Variants in LEKR1 observed in about 807,000 individuals in gnomAD.
The protein encoded by LEKR1 is protein LEKR1.
A neutral mutation model predicts 72.4 loss-of-function variants in LEKR1; 59 were observed. The ratio of observed to expected loss-of-function variants is 0.82; its 90% CI spans 0.66 to 1.01. The LOEUF (loss-of-function observed/expected upper bound fraction) is 1.01. LEKR1 is among the 50% of genes least tolerant of loss of function. The pLI, the probability that LEKR1 is intolerant of heterozygous loss-of-function variation, is 0.00. For missense variants in LEKR1, 728 were observed against 759.2 expected (o/e 0.96, Z 0.48); for synonymous variants, 257 against 263.2 (o/e 0.98, Z 0.23).
chr3:156,920,754 T>A, intron 4 of LEKR1, 60 bp downstream of exon 4: 1 of 923,364 alleles, frequency 1.1e-6, no homozygotes, highest in Non-Finnish European at 1.6e-6. Context: ...ACTAACTTTG[T>A]AAATAGCCAA....
intron 3 of LEKR1, among the ~76,000 whole-genome samples, chr3:156,912,859 G>C (rs954578199): frequency 6.6e-6 from 1 of 152,142 alleles, no homozygotes; most frequent in Admixed American, 6.5e-5. Context: ...TGCTGTGTAG[G>C]GTTAAGGCTA....
At chr3:156,882,594 C>G (rs1399287193) in intron 3 of LEKR1, among the ~76,000 whole-genome samples, 1 of 152,176 alleles carries the variant, frequency 6.6e-6, no homozygotes, top group African/African-American at 2.4e-5. Context: ...GTCAGTGTGG[C>G]AATTCCTCAG....
At chr3:156,832,151 C>T (rs989486431) in intron 2 of LEKR1, among the ~76,000 whole-genome samples, 1 of 152,146 alleles carries the variant, frequency 6.6e-6, no homozygotes, top group East Asian at 1.9e-4. Context: ...AACATTGGTG[C>T]TCTTATCCAC....
At position 156,942,714 on chromosome 3, in the gene LEKR1, G is replaced by T; in HGVS notation, c.745G>T (p.Asp249Tyr). ...RCYDLQKEVL[D>Y]LQCLVEALGL... The stretch of plus-strand genomic sequence containing the variant: ...CTATGATTTGCAAAAAGAAGTACTA[G>T]GTAAAGAAAAGTCTTTTGCTGTTTT... Residue 249 changes from aspartate to tyrosine, a missense_variant and splice_region_variant, in exon 6 of 13, where the codon GAT (aspartate) becomes TAT (tyrosine). Coordinates refer to ENST00000356539, the MANE Select transcript of LEKR1 (RefSeq NM_001004316.3). 1 of 1,237,548 alleles carries T rather than the reference G, an allele frequency of 8.1e-7. No homozygotes were observed. The highest frequency in any genetic ancestry group is 1.0e-6 in the Non-Finnish European group (1 of 969,420). The allele number at this position is 1,237,548 out of a possible 1,614,324, so 76.7% of individuals were successfully genotyped here.
intron 12 of LEKR1, among the ~76,000 whole-genome samples, chr3:157,033,716 A>G (rs953551519): frequency 3.9e-5 from 6 of 152,176 alleles, no homozygotes; most frequent in African/African-American, 1.4e-4. Context: ...GCTACATTAA[A>G]CAACAGGTTT....
chr3:156,974,536 CA>C (rs1423290674), intron 6 of LEKR1, among the ~76,000 whole-genome samples: 1 of 152,112 alleles, frequency 6.6e-6, no homozygotes, highest in East Asian at 1.9e-4. Context: ...TTCATGGAAT[CA>C]AATGGGGTGT....
chr3:156,918,143 A>G (rs1723829440), intron 3 of LEKR1, among the ~76,000 whole-genome samples: 1 of 152,202 alleles, frequency 6.6e-6, no homozygotes. Flanking sequence ...TCACAAGTGA[A>G]TAACAATGTG....
intron 12 of LEKR1, among the ~76,000 whole-genome samples, chr3:157,029,924 G>A (rs6798892): frequency 9.9e-5 from 15 of 152,100 alleles, no homozygotes; most frequent in South Asian, 4.1e-4. Context: ...AGAAAAAGAC[G>A]GAAGGGCCAA....
At chr3:156,905,255 G>A (rs1722419918) in intron 3 of LEKR1, among the ~76,000 whole-genome samples, 1 of 152,114 alleles carries the variant, frequency 6.6e-6, no homozygotes. Context: ...CTATAAAGGA[G>A]TAAATTTATT....
intron 6 of LEKR1, among the ~76,000 whole-genome samples, chr3:156,972,459 G>A (rs370727974): frequency 5.9e-5 from 9 of 151,800 alleles, no homozygotes; most frequent in Admixed American, 2.6e-4. Flanking sequence ...TAACCTGCAC[G>A]TTGTGCACAT....
At chr3:156,941,737 TTTTATCTTTGTTGAG>T in intron 5 of LEKR1, among the ~76,000 whole-genome samples, 1 of 152,208 alleles carries the variant, frequency 6.6e-6, no homozygotes, top group East Asian at 1.9e-4. Flanking sequence ...ATAGCATTTA[TTTTATCTTTGTTGAG>T]TGTGTGTTCA....
chr3:156,862,835 G>A (rs1426786682), intron 3 of LEKR1, among the ~76,000 whole-genome samples: 2 of 152,118 alleles, frequency 1.3e-5, no homozygotes, highest in African/African-American at 2.4e-5. Flanking sequence ...ACTCAGTGGA[G>A]TAGAGATTTT....
chr3:156,905,817 G>A (rs530143554), intron 3 of LEKR1, among the ~76,000 whole-genome samples: 3 of 152,264 alleles, frequency 2.0e-5, no homozygotes, highest in Admixed American at 1.3e-4. Flanking sequence ...ATTGGCAGTC[G>A]TATGTCAATT....
At chr3:156,895,262 A>G (rs1721057983) in intron 3 of LEKR1, among the ~76,000 whole-genome samples, 1 of 152,218 alleles carries the variant, frequency 6.6e-6, no homozygotes, top group East Asian at 1.9e-4. Context: ...ACATTCATGC[A>G]GCCAACAAAC....
intron 3 of LEKR1, among the ~76,000 whole-genome samples, chr3:156,876,974 T>C (rs1363323361): frequency 6.6e-6 from 1 of 152,200 alleles, no homozygotes; most frequent in Non-Finnish European, 1.5e-5. Context: ...TAGATAGCTT[T>C]TATTACCTTA....
intron 7 of LEKR1, among the ~76,000 whole-genome samples, chr3:156,991,090 A>G (rs1731112360): frequency 6.6e-6 from 1 of 152,226 alleles, no homozygotes. Flanking sequence ...GCTTTAAAAT[A>G]AAAGCAAAAT....
chr3:156,903,192 C>T (rs913061746), intron 3 of LEKR1, among the ~76,000 whole-genome samples: 5 of 151,976 alleles, frequency 3.3e-5, no homozygotes, highest in African/African-American at 1.2e-4. Context: ...TGAATATTCC[C>T]ACAAATGATG....
Position 156,947,198 on chromosome 3 carries a change from G to A in LEKR1, c.745+4484G>A, listed in dbSNP as rs112435567. Among the ~76,000 whole-genome samples, 271 of 151,028 alleles carry A rather than the reference G, an allele frequency of 1.8e-3. 3 individuals carry two copies. The highest frequency in any genetic ancestry group is 6.3e-3 in the African/African-American group (262 of 41,340). The stretch of plus-strand genomic sequence containing the variant: ...TTGCTTTAAGATGCATTGTTATGTT[G>A]ATTTGAAGCTTTCTACTTTTTTGAT... On this transcript the variant is annotated intron_variant, in intron 6 of 12. Coordinates refer to ENST00000356539, the MANE Select transcript of LEKR1 (RefSeq NM_001004316.3).
chr3:156,971,237 G>A (rs1422910366), intron 6 of LEKR1, among the ~76,000 whole-genome samples: 1 of 152,122 alleles, frequency 6.6e-6, no homozygotes, highest in Non-Finnish European at 1.5e-5. Flanking sequence ...CAAGAAATGG[G>A]GAAAGGATTC....
Sources: gnomAD v4.1 joint callset for allele counts (sites outside exome capture counted in the v4.1 genomes callset) on GRCh38, gnomAD v4.1.1 for gene constraint, MANE v1.5 for transcripts, NCBI Gene and HGNC (gene_info 2026-07-23, HGNC 2026-07-21) for gene names.